The following PARD3B variants were observed in gnomAD, a reference collection of about 807,000 sequenced individuals.
PARD3B encodes par-3 family cell polarity regulator beta, also known as partitioning defective 3 homolog B.
PARD3B carries 103 observed loss-of-function variants against 130.2 expected under a neutral mutation model. The ratio of observed to expected loss-of-function variants is 0.79; its 90% CI spans 0.67 to 0.93. The LOEUF (loss-of-function observed/expected upper bound fraction) is 0.93, where lower values mean the gene tolerates loss of function less well. PARD3B is among the 40% of genes least tolerant of loss of function. PARD3B has a pLI of 0.00. For missense variants in PARD3B, 1,609 were observed against 1,499.2 expected, an observed-to-expected ratio of 1.07 and a Z score of -1.21; for synonymous variants, 583 against 553.2, an observed-to-expected ratio of 1.05 and a Z score of -0.76.
At chr2:204,593,706 G>T (rs1436430515) in intron 1 of PARD3B, among the ~76,000 whole-genome samples, 4 of 152,174 alleles carry the variant, frequency 2.6e-5, no homozygotes, top group Non-Finnish European at 2.9e-5. Flanking sequence ...GGAGTCAGAA[G>T]TATCATTTCT....
intron 4 of PARD3B, among the ~76,000 whole-genome samples, chr2:205,053,425 G>T (rs1699371475): frequency 6.6e-6 from 1 of 151,912 alleles, no homozygotes. Context: ...ATCACCTGAG[G>T]TTAGGAGTTC....
At chr2:205,357,536 A>G (rs571409356) in intron 18 of PARD3B, among the ~76,000 whole-genome samples, 1 of 152,240 alleles carries the variant, frequency 6.6e-6, no homozygotes, top group Non-Finnish European at 1.5e-5. Flanking sequence ...AGCAGGGCCA[A>G]TGATGCCAGA....
intron 2 of PARD3B, among the ~76,000 whole-genome samples, chr2:204,821,419 A>G (rs929278448): frequency 1.3e-5 from 2 of 152,050 alleles, no homozygotes; most frequent in Non-Finnish European, 2.9e-5. Flanking sequence ...ATGAAATTGG[A>G]AATCATCATT....
intron 1 of PARD3B, among the ~76,000 whole-genome samples, chr2:204,679,665 T>A (rs932644414): frequency 7.2e-6 from 1 of 138,794 alleles, no homozygotes; most frequent in African/African-American, 3.2e-5. Context: ...ATGTTACAAT[T>A]TTTTTTTAAT....
chr2:204,670,846 C>G (rs2036264888), intron 1 of PARD3B, among the ~76,000 whole-genome samples: 1 of 152,060 alleles, frequency 6.6e-6, no homozygotes, highest in Admixed American at 6.6e-5. Flanking sequence ...TTCATTGAAT[C>G]TCATGCTTTT....
At chr2:204,624,868 C>T (rs1188819628) in intron 1 of PARD3B, among the ~76,000 whole-genome samples, 1 of 152,038 alleles carries the variant, frequency 6.6e-6, no homozygotes, top group Non-Finnish European at 1.5e-5. Context: ...ATAAGAGATC[C>T]AGTGTTTCTC....
intron 2 of PARD3B, among the ~76,000 whole-genome samples, chr2:204,782,433 A>C (rs1196533372): frequency 1.3e-5 from 2 of 151,460 alleles, no homozygotes; most frequent in Non-Finnish European, 2.9e-5. Context: ...TGTAATATAG[A>C]CACATTACAC....
chr2:204,880,444 G>A (rs770483364), intron 2 of PARD3B, among the ~76,000 whole-genome samples: 3 of 151,964 alleles, frequency 2.0e-5, no homozygotes, highest in Non-Finnish European at 4.4e-5. Context: ...GGCGGATCAC[G>A]AGGTCAGGAG....
Position 205,125,674 on chromosome 2 carries a change from G to C in PARD3B, c.1371G>C (p.Lys457Asn), listed in dbSNP as rs1179076400. The C allele has an allele frequency of 1.2e-6, 2 of 1,614,148 alleles. No individual in the cohort carries two copies. Among genetic ancestry groups the C allele is most frequent in the East Asian group, 4.5e-5 (2 of 44,856 alleles). ...TTGTGGCCATGCTCAGGAGCACCAA[G>C]CAGGGGGAGACAGCATCGCTGGTCA... ...EELVAMLRST[K>N]QGETASLVIA... The change falls in exon 10 of 23, where the codon AAG becomes AAC. Residue 457 changes from lysine to asparagine, a missense_variant. Physicochemically the swap from Lys to Asn is moderately conservative, Grantham distance 94. Transcript: ENST00000406610. The surrounding 1 kb of genome is among the most constrained non-coding windows in gnomAD (Gnocchi z 4.0).
chr2:205,581,410 T>TATATATAA (rs199783328), intron 22 of PARD3B, among the ~76,000 whole-genome samples: 6 of 144,550 alleles, frequency 4.2e-5, no homozygotes, highest in East Asian at 2.0e-4. Flanking sequence ...TATATATAAG[T>TATATATAA]ATATATAAAT....
chr2:205,406,947 G>A (rs1364775957), intron 19 of PARD3B, among the ~76,000 whole-genome samples: 1 of 152,126 alleles, frequency 6.6e-6, no homozygotes, highest in African/African-American at 2.4e-5. Context: ...GGGATTACAG[G>A]CATAAGCCAC....
chr2:205,032,489 G>A (rs548733325), intron 3 of PARD3B, among the ~76,000 whole-genome samples: 4 of 152,062 alleles, frequency 2.6e-5, no homozygotes, highest in African/African-American at 7.2e-5. Context: ...GGTCAAATGA[G>A]GTCTCAAACC....
At chr2:205,109,650 CTTTTT>C (rs35545106) in intron 5 of PARD3B, among the ~76,000 whole-genome samples, 1 of 69,314 alleles carries the variant, frequency 1.4e-5, no homozygotes, top group Admixed American at 1.7e-4. Context: ...AATACCTAAT[CTTTTT>C]TTTTTTTTTT....
intron 18 of PARD3B, among the ~76,000 whole-genome samples, chr2:205,329,563 G>GT (rs2043041964): frequency 6.6e-6 from 1 of 152,214 alleles, no homozygotes; most frequent in Non-Finnish European, 1.5e-5. Flanking sequence ...CTCTGTGAAA[G>GT]TAAGTGTAAT....
intron 22 of PARD3B, among the ~76,000 whole-genome samples, chr2:205,587,416 G>A (rs1575429253): frequency 1.3e-5 from 2 of 152,168 alleles, no homozygotes; most frequent in South Asian, 4.1e-4. Flanking sequence ...ATATCTGATG[G>A]TTGACTATTG....
At chr2:205,537,247 C>A (rs2051903643) in intron 21 of PARD3B, among the ~76,000 whole-genome samples, 1 of 152,066 alleles carries the variant, frequency 6.6e-6, no homozygotes, top group African/African-American at 2.4e-5. Context: ...AATGAATAGA[C>A]CCTTAAGTAA....
Position 205,499,883 on chromosome 2 carries a change from C to A in PARD3B, c.3045-13C>A. 6.2e-7 allele frequency: 1 copy of A among 1,611,906 alleles called. No homozygotes were observed. The highest frequency in any genetic ancestry group is 8.5e-7 in the Non-Finnish European group (1 of 1,178,558). On this transcript the variant is annotated splice_polypyrimidine_tract_variant and intron_variant, in intron 20 of 22. Coordinates refer to ENST00000406610, the MANE Select transcript of PARD3B (RefSeq NM_001302769.2). ...ACACTGTGTGAATCTGATTATTTGT[C>A]TATATCCTGTAGTGGCCGTCCTACG...
intron 10 of PARD3B, among the ~76,000 whole-genome samples, chr2:205,154,053 A>C (rs1174045088): frequency 6.6e-6 from 1 of 152,204 alleles, no homozygotes. Context: ...AATGAGATCT[A>C]ATTAAACTAA....
intron 1 of PARD3B, among the ~76,000 whole-genome samples, chr2:204,650,890 G>C (rs563045100): frequency 2.0e-4 from 13 of 64,320 alleles, no homozygotes; most frequent in African/African-American, 7.3e-4. Flanking sequence ...GGGGGAGTGA[G>C]AGAGAGAGAG....
Sources: allele counts gnomAD v4.1 joint callset (sites outside exome capture counted in the v4.1 genomes callset), GRCh38; gene constraint gnomAD v4.1.1; non-coding constraint Gnocchi (gnomAD v3.1); transcripts MANE v1.5; gene names NCBI Gene and HGNC (gene_info 2026-07-23, HGNC 2026-07-21).